MIPEP: variants seen among roughly 807,000 people sequenced by gnomAD.
MIPEP encodes mitochondrial intermediate peptidase.
Under a neutral mutation model 90.3 loss-of-function variants are expected in MIPEP, and 79 were observed. The observed-to-expected ratio is 0.87, with a 90% confidence interval of 0.73 to 1.05. The LOEUF is 1.05. Among genes scored for constraint, MIPEP ranks in the 50% least tolerant of loss-of-function variants. The probability of loss-of-function intolerance (pLI) is 0.00; values close to 1 mark genes in which losing one functional copy is unlikely to be tolerated. For missense variants in MIPEP, 940 were observed against 905.6 expected (o/e 1.04, Z -0.49); for synonymous variants, 334 against 315.8 (o/e 1.06, Z -0.61).
intron 14 of MIPEP, among the ~76,000 whole-genome samples, chr13:23,831,131 G>T (rs1045978681): frequency 1.1e-4 from 16 of 152,230 alleles, no homozygotes; most frequent in Non-Finnish European, 1.9e-4. Context: ...CACATCTGGG[G>T]AAAATTCAGT....
intron 16 of MIPEP, chr13:23,766,098 T>C (rs1952589382): frequency 6.6e-6 from 1 of 152,210 alleles, no homozygotes; most frequent in Non-Finnish European, 1.5e-5. Context: ...CTACCATATC[T>C]GTTTTGCAGA....
At chr13:23,759,195 T>C (rs1952515039) in intron 17 of MIPEP, among the ~76,000 whole-genome samples, 2 of 152,172 alleles carry the variant, frequency 1.3e-5, no homozygotes, top group South Asian at 4.1e-4. Context: ...TCTTGGTTCC[T>C]ATTGTTATAG....
At chr13:23,809,784 T>C (rs1325515991) in intron 15 of MIPEP, 66 bp downstream of exon 15, 9 of 955,284 alleles carry the variant, frequency 9.4e-6, no homozygotes, top group Non-Finnish European at 1.5e-5. Flanking sequence ...TTGGCAAGAA[T>C]GTAAAGTTAT....
intron 9 of MIPEP, 32 bp from the exon 10 acceptor site, chr13:23,858,944 C>T (rs1227304058): frequency 6.3e-7 from 1 of 1,586,264 alleles, no homozygotes; most frequent in Non-Finnish European, 8.7e-7. Context: ...TTAAGGAAAG[C>T]TACTGACTCT....
intron 16 of MIPEP, among the ~76,000 whole-genome samples, chr13:23,774,028 T>G (rs1357173796): frequency 6.6e-6 from 1 of 152,226 alleles, no homozygotes; most frequent in Non-Finnish European, 1.5e-5. Context: ...TATGTAATCC[T>G]ATGTTTTCTT....
chr13:23,769,468 A>G (rs906803509), intron 16 of MIPEP, among the ~76,000 whole-genome samples: 5 of 152,216 alleles, frequency 3.3e-5, no homozygotes, highest in Non-Finnish European at 5.9e-5. Flanking sequence ...CATAGAGTAC[A>G]ACAAAAAGTG....
chr13:23,816,039 G>A (rs1025636486), intron 14 of MIPEP, among the ~76,000 whole-genome samples: 2 of 152,176 alleles, frequency 1.3e-5, no homozygotes, highest in African/African-American at 2.4e-5. Context: ...TATTACTTCT[G>A]TTTGTAATGT....
chr13:23,881,844 G>C lies in MIPEP; in HGVS notation c.364-57C>G, dbSNP rs1871284061. 19 of 1,367,030 alleles carry C rather than the reference G, an allele frequency of 1.4e-5. No homozygotes were observed. In the South Asian group the frequency reaches 2.3e-4, roughly 16 times the overall value. The allele number at this position is 1,367,030 out of a possible 1,614,324, so 84.7% of individuals were successfully genotyped here. On this transcript the variant is annotated intron_variant, in intron 2 of 18. Coordinates refer to ENST00000382172, the MANE Select transcript of MIPEP (RefSeq NM_005932.4). Reference sequence around the variant, plus strand: ...AATTTGATGAGAAGCTTTCTTCCAGGATCTGAGGGTGAAAATGAAAACTGG... The same window carrying C: ...AATTTGATGAGAAGCTTTCTTCCAGCATCTGAGGGTGAAAATGAAAACTGG...
intron 7 of MIPEP, among the ~76,000 whole-genome samples, chr13:23,867,370 T>A (rs1870588730): frequency 6.6e-6 from 1 of 152,156 alleles, no homozygotes; most frequent in Non-Finnish European, 1.5e-5. Flanking sequence ...AGCCACAGCC[T>A]CATGCTTGTG....
At chr13:23,842,832 G>A (rs1047142018) in intron 10 of MIPEP, among the ~76,000 whole-genome samples, 1 of 152,208 alleles carries the variant, frequency 6.6e-6, no homozygotes, top group Non-Finnish European at 1.5e-5. Flanking sequence ...GGGTGCTGTG[G>A]CTCACGCCTA....
intron 14 of MIPEP, among the ~76,000 whole-genome samples, chr13:23,810,249 T>C (rs1048867669): frequency 6.6e-6 from 1 of 152,216 alleles, no homozygotes; most frequent in Non-Finnish European, 1.5e-5. Context: ...TTGCTATTAG[T>C]GAGTGCCTGT....
intron 5 of MIPEP, among the ~76,000 whole-genome samples, chr13:23,873,739 T>A (rs1485361011): frequency 6.6e-6 from 1 of 152,090 alleles, no homozygotes; most frequent in Non-Finnish European, 1.5e-5. Flanking sequence ...AGGGAAAGAA[T>A]ACAACTAACT....
intron 2 of MIPEP, among the ~76,000 whole-genome samples, chr13:23,885,661 A>G (rs550891087): frequency 6.6e-6 from 1 of 151,912 alleles, no homozygotes; most frequent in South Asian, 2.1e-4. Flanking sequence ...CTAGGTATAC[A>G]CTTCTATTTC....
intron 16 of MIPEP, among the ~76,000 whole-genome samples, chr13:23,791,455 C>T (rs544346000): frequency 9.9e-5 from 15 of 152,274 alleles, no homozygotes; most frequent in African/African-American, 2.4e-4. Context: ...GCCCTGCTTC[C>T]GATTGACTGA....
chr13:23,813,899 T>C (rs1335004362), intron 14 of MIPEP, among the ~76,000 whole-genome samples: 1 of 152,214 alleles, frequency 6.6e-6, no homozygotes. Flanking sequence ...TGTTTAATAT[T>C]ATTGTCTCCT....
chr13:23,888,728 C>G (rs1871640578), intron 1 of MIPEP: 13 of 1,010,964 alleles, frequency 1.3e-5, no homozygotes, highest in Non-Finnish European at 1.4e-5. Flanking sequence ...CATGTGATGC[C>G]GCCTGTGAAC....
At chr13:23,777,412 C>G (rs1029739208) in intron 16 of MIPEP, among the ~76,000 whole-genome samples, 1 of 151,978 alleles carries the variant, frequency 6.6e-6, no homozygotes, top group African/African-American at 2.4e-5. Context: ...CTGAGATGCA[C>G]CATCCTAGAA....
At chr13:23,785,191 T>C (rs1241970772) in intron 16 of MIPEP, among the ~76,000 whole-genome samples, 1 of 152,182 alleles carries the variant, frequency 6.6e-6, no homozygotes, top group Admixed American at 6.5e-5. Context: ...CTTGCACATG[T>C]ATGTTTATTG....
At chr13:23,862,972 CTCTT>C (rs1188195419) in intron 8 of MIPEP, among the ~76,000 whole-genome samples, 1 of 152,150 alleles carries the variant, frequency 6.6e-6, no homozygotes, top group Admixed American at 6.5e-5. Context: ...ATAACTAACC[CTCTT>C]TCTTTATTGT....
Sources: gnomAD v4.1 joint callset for allele counts (sites outside exome capture counted in the v4.1 genomes callset) on GRCh38, gnomAD v4.1.1 for gene constraint, MANE v1.5 for transcripts, NCBI Gene and HGNC (gene_info 2026-07-23, HGNC 2026-07-21) for gene names.